Variants in KIAA1217 observed in about 807,000 individuals in gnomAD.
KIAA1217 encodes the protein KIAA1217.
Under a neutral mutation model 163.9 loss-of-function variants are expected in KIAA1217, and 88 were observed. The ratio of observed to expected loss-of-function variants is 0.54; its 90% CI spans 0.45 to 0.64. KIAA1217 has a LOEUF of 0.64. Among genes scored for constraint, KIAA1217 ranks in the 30% least tolerant of loss-of-function variants. The probability of loss-of-function intolerance (pLI) is 0.00; values close to 1 mark genes in which losing one functional copy is unlikely to be tolerated. For synonymous variants in KIAA1217, 903 were observed against 923.1 expected (o/e 0.98, Z 0.39); for missense variants, 2,372 against 2,475.0 (o/e 0.96, Z 0.88).
chr10:24,187,821 C>T (rs1450133216), intron 2 of KIAA1217, among the ~76,000 whole-genome samples: 3 of 151,708 alleles, frequency 2.0e-5, no homozygotes, highest in Admixed American at 6.6e-5. Context: ...ACCCGGGAGG[C>T]GGAAGTTGCA....
chr10:23,833,282 T>G (rs1201504190), intron 1 of KIAA1217, among the ~76,000 whole-genome samples: 2 of 152,094 alleles, frequency 1.3e-5, no homozygotes, highest in East Asian at 3.9e-4. Flanking sequence ...AGTTAACTAA[T>G]TGCCTCAAGC....
In KIAA1217 at chr10:24,524,588, C is replaced by T; in HGVS notation, c.2722C>T (p.Gln908Ter). 6.2e-7 allele frequency: 1 copy of T among 1,614,068 alleles called. No individual in the cohort carries two copies. The highest frequency in any genetic ancestry group is 8.5e-7 in the Non-Finnish European group (1 of 1,180,034). ...CTCCGTGGCCCTGCTGAACCCTGCT[C>T]AGAACTTGCCTCACGTGGCCAGCTC... ...QHSVALLNPAQNLPHVASSPA... is the reference protein window; with the variant it reads ...QHSVALLNPA Residue 908 changes from glutamine (Q) to a stop codon, truncating the protein, a stop_gained, in exon 13 of 21, where the codon CAG becomes TAG. Coordinates refer to ENST00000376454, the MANE Select transcript of KIAA1217 (RefSeq NM_019590.5). LOFTEE classifies it high-confidence loss of function.
chr10:24,357,309 G>C (rs961548138), intron 2 of KIAA1217, among the ~76,000 whole-genome samples: 2 of 152,182 alleles, frequency 1.3e-5, no homozygotes, highest in African/African-American at 2.4e-5. Flanking sequence ...CTCTGGGCCT[G>C]TTTCCTATGG....
intron 2 of KIAA1217, among the ~76,000 whole-genome samples, chr10:24,147,393 C>A (rs1388214547): frequency 6.6e-6 from 1 of 152,108 alleles, no homozygotes; most frequent in African/African-American, 2.4e-5. Flanking sequence ...CTTTTCCTAA[C>A]CTTGAACGCA....
intron 2 of KIAA1217, among the ~76,000 whole-genome samples, chr10:24,010,935 G>A (rs1301808784): frequency 6.6e-6 from 1 of 152,038 alleles, no homozygotes; most frequent in Non-Finnish European, 1.5e-5. Flanking sequence ...TAAATCTACA[G>A]CAACTACTTT....
chr10:24,089,581 G>A, intron 2 of KIAA1217, among the ~76,000 whole-genome samples: 1 of 151,562 alleles, frequency 6.6e-6, no homozygotes, highest in East Asian at 1.9e-4. Context: ...GTTTTTGTCA[G>A]GTTTGTCAAA....
intron 2 of KIAA1217, among the ~76,000 whole-genome samples, chr10:24,027,170 G>A (rs1847988800): frequency 6.6e-6 from 1 of 151,902 alleles, no homozygotes; most frequent in Non-Finnish European, 1.5e-5. Context: ...TGAAAATTAT[G>A]CCTTTGCCTC....
intron 1 of KIAA1217, among the ~76,000 whole-genome samples, chr10:23,878,293 G>T (rs1241368022): frequency 1.3e-5 from 2 of 151,920 alleles, no homozygotes; most frequent in Non-Finnish European, 2.9e-5. Context: ...CCAGCGGACA[G>T]TATCAAAAAG....
intron 2 of KIAA1217, among the ~76,000 whole-genome samples, chr10:24,048,543 C>T (rs992061614): frequency 6.6e-6 from 1 of 151,432 alleles, no homozygotes; most frequent in African/African-American, 2.4e-5. Context: ...TCAGCCTGGC[C>T]AAAATGGTAA....
chr10:24,399,512 C>A (rs535578253), intron 3 of KIAA1217, among the ~76,000 whole-genome samples: 20 of 152,236 alleles, frequency 1.3e-4, no homozygotes, highest in Admixed American at 1.0e-3. Flanking sequence ...AGTCTTTATT[C>A]TCATTGGTAA....
intron 1 of KIAA1217, among the ~76,000 whole-genome samples, chr10:23,783,156 A>T (rs1343122559): frequency 6.6e-6 from 1 of 152,192 alleles, no homozygotes; most frequent in Non-Finnish European, 1.5e-5. Flanking sequence ...TGGGCCACAC[A>T]TAAAATACAT....
intron 2 of KIAA1217, among the ~76,000 whole-genome samples, chr10:24,123,534 T>C (rs948247212): frequency 7.2e-5 from 11 of 152,138 alleles, no homozygotes; most frequent in African/African-American, 2.7e-4. Context: ...GGGACACATA[T>C]CTTTGTTTTA....
chr10:24,096,971 T>C (rs2062188346), intron 2 of KIAA1217, among the ~76,000 whole-genome samples: 1 of 152,110 alleles, frequency 6.6e-6, no homozygotes, highest in Non-Finnish European at 1.5e-5. Flanking sequence ...GAAAAACAAG[T>C]TAAGGTAATC....
chr10:23,727,788 C>T (rs575596105), intron 1 of KIAA1217, among the ~76,000 whole-genome samples: 8 of 152,094 alleles, frequency 5.3e-5, no homozygotes, highest in Admixed American at 4.6e-4. Context: ...TGATGCTATC[C>T]CTCCTCTAGA....
At chr10:24,358,018 GC>G (rs202198584) in intron 2 of KIAA1217, among the ~76,000 whole-genome samples, 9,695 of 152,252 alleles carry the variant, frequency 0.064, 395 homozygotes, top group Non-Finnish European at 0.091. Flanking sequence ...CAGGGGGTAA[GC>G]CCCCAAATCA....
At chr10:24,058,258 T>C (rs1488070232) in intron 2 of KIAA1217, among the ~76,000 whole-genome samples, 1 of 152,224 alleles carries the variant, frequency 6.6e-6, no homozygotes. Context: ...TCTATATGTC[T>C]GTCTTTATGC....
intron 2 of KIAA1217, among the ~76,000 whole-genome samples, chr10:24,203,270 T>G (rs1353793859): frequency 1.3e-5 from 2 of 151,954 alleles, no homozygotes; most frequent in Admixed American, 6.6e-5. Context: ...AAAATAATAT[T>G]GATGATTGAG....
At chr10:24,507,265 C>T (rs976768653) in intron 9 of KIAA1217, among the ~76,000 whole-genome samples, 1 of 152,148 alleles carries the variant, frequency 6.6e-6, no homozygotes, top group African/African-American at 2.4e-5. Flanking sequence ...GAGCTCCATG[C>T]CCAATATCCA....
chr10:24,244,612 G>A lies in KIAA1217; in HGVS notation c.354+24703G>A, dbSNP rs540995594. Among the ~76,000 whole-genome samples the A allele has an allele frequency of 2.8e-4, 42 of 149,416 alleles. No individual in the cohort carries two copies. The South Asian group carries it at 6.0e-3, about 21-fold the overall frequency. ...ACATGTCTTACTCTGTCACCCAGGC[G>A]GGAGTGCAGTGGCGAGATGTCCGCT... On this transcript the variant is annotated intron_variant, in intron 2 of 20. Transcript: ENST00000376454.
Sources: gnomAD v4.1 joint callset for allele counts (sites outside exome capture counted in the v4.1 genomes callset) on GRCh38, gnomAD v4.1.1 for gene constraint, MANE v1.5 for transcripts, NCBI Gene and HGNC (gene_info 2026-07-23, HGNC 2026-07-21) for gene names.